The following COMMD7 variants were observed in gnomAD, a reference collection of about 807,000 sequenced individuals.
The protein encoded by COMMD7 is COMM domain containing 7.
Under a neutral mutation model 34.8 loss-of-function variants are expected in COMMD7, and 28 were observed. The observed-to-expected ratio is 0.80, with a 90% CI of 0.60 to 1.10. The LOEUF is 1.10. Among genes scored for constraint, COMMD7 ranks in the 50% least tolerant of loss-of-function variants. The probability of loss-of-function intolerance (pLI) is 0.00; values close to 1 mark genes in which losing one functional copy is unlikely to be tolerated. For missense variants in COMMD7, 211 were observed against 241.6 expected, an observed-to-expected ratio of 0.87 and a Z score of 0.84; for synonymous variants, 80 against 86.4, an observed-to-expected ratio of 0.93 and a Z score of 0.41.
intron 3 of COMMD7, among the ~76,000 whole-genome samples, chr20:32,720,848 G>GC (rs1281682267): frequency 6.6e-6 from 1 of 152,148 alleles, no homozygotes; most frequent in Non-Finnish European, 1.5e-5. Flanking sequence ...GAGGGTCACA[G>GC]CATCTCCTAA....
intron 3 of COMMD7, among the ~76,000 whole-genome samples, chr20:32,718,817 A>G (rs1313089404): frequency 6.6e-6 from 1 of 152,094 alleles, no homozygotes; most frequent in Non-Finnish European, 1.5e-5. Context: ...TCCATCATTA[A>G]CTGTGCTTCA....
In COMMD7 at chr20:32,703,294, G is replaced by T; in HGVS notation, c.*88C>A. ...GCAGGGCCCCATGGAGCATCCCACAGGCCTGTGAGTGAAGTGCCTCTCAGA... is the reference window on the plus strand; with the variant it reads ...GCAGGGCCCCATGGAGCATCCCACATGCCTGTGAGTGAAGTGCCTCTCAGA... On this transcript the variant is annotated 3_prime_UTR_variant, in exon 9 of 9. Coordinates refer to ENST00000278980, the MANE Select transcript of COMMD7 (RefSeq NM_053041.3). 1 of 1,226,230 alleles carries T rather than the reference G, an allele frequency of 8.2e-7. No homozygotes were observed. Among genetic ancestry groups the T allele is most frequent in the Non-Finnish European group, 1.2e-6 (1 of 852,182 alleles). The allele number at this position is 1,226,230 out of a possible 1,614,324, so 76.0% of individuals were successfully genotyped here.
rs1555822509 is a variant in COMMD7 at position 32,707,290 on chromosome 20, A to ATATAT, written c.242-531_242-530insATATA. On this transcript the variant is annotated intron_variant, in intron 3 of 8. Transcript: ENST00000278980. ...CAGAGCGAGACTCCGTCTCAAAAAAAAAAAATATATATATATATACTTATC... is the reference window on the plus strand; with the variant it reads ...CAGAGCGAGACTCCGTCTCAAAAAAATATATAAAAATATATATATATATACTTATC... Among the ~76,000 whole-genome samples, 497 of 119,776 alleles carry ATATAT rather than the reference A, an allele frequency of 4.1e-3. 2 individuals carry two copies. The highest frequency in any genetic ancestry group is 5.5e-3 in the African/African-American group (196 of 35,808). The allele number at this position is 119,776 out of a possible 152,430, so 78.6% of individuals were successfully genotyped here. A position where few individuals can be genotyped will look rare whatever the true frequency, so the allele number is the denominator to read the frequency against.
rs139991800 is a variant in COMMD7, at chr20:32,740,494, A to G, written c.84+2814T>C. On this transcript the variant is annotated intron_variant, in intron 1 of 8. Coordinates refer to ENST00000278980, the MANE Select transcript of COMMD7 (RefSeq NM_053041.3). ...TGCATGGCATTTTGATCAATGATGG[A>G]CCATATATAAAATGATGGTCCCATA... Among the ~76,000 whole-genome samples, 778 of 152,032 alleles carry G rather than the reference A, an allele frequency of 5.1e-3. 5 individuals are homozygous for G. Among genetic ancestry groups the G allele is most frequent in the African/African-American group, 0.015 (641 of 41,452 alleles).
intron 3 of COMMD7, among the ~76,000 whole-genome samples, chr20:32,709,160 G>T (rs1418287742): frequency 1.3e-5 from 2 of 152,042 alleles, no homozygotes; most frequent in Non-Finnish European, 2.9e-5. Flanking sequence ...GAGAGACCAG[G>T]CACGGTGGCT....
chr20:32,741,153 A>C (rs1320865133), intron 1 of COMMD7, among the ~76,000 whole-genome samples: 30 of 119,622 alleles, frequency 2.5e-4, no homozygotes, highest in Non-Finnish European at 4.5e-4. Flanking sequence ...AAACAAACAA[A>C]CAAACAAAAA....
chr20:32,703,190 G>C lies in COMMD7; in HGVS notation c.*192C>G. On this transcript the variant is annotated 3_prime_UTR_variant, in exon 9 of 9. Coordinates refer to ENST00000278980, the MANE Select transcript of COMMD7 (RefSeq NM_053041.3). ...TGGTTGCCCTAACAGAGAGTTTACA[G>C]GGTAATTGTGTTGGGCTCTTTCAGT... is the stretch of plus-strand genomic sequence containing the variant. The C allele has an allele frequency of 2.0e-6, 1 of 492,982 alleles. No homozygotes were observed. Among genetic ancestry groups the C allele is most frequent in the Non-Finnish European group, 3.6e-6 (1 of 278,630 alleles). The allele number at this position is 492,982 out of a possible 1,614,324, so 30.5% of individuals were successfully genotyped here.
intron 3 of COMMD7, among the ~76,000 whole-genome samples, chr20:32,720,598 C>G (rs1985094195): frequency 6.6e-6 from 1 of 152,040 alleles, no homozygotes; most frequent in Non-Finnish European, 1.5e-5. Flanking sequence ...TCGCTTAAGC[C>G]CAAGAATCAA....
chr20:32,705,369 TATATA>T (rs1480371184), intron 5 of COMMD7, among the ~76,000 whole-genome samples: 33 of 91,630 alleles, frequency 3.6e-4, no homozygotes, highest in African/African-American at 1.1e-3. Flanking sequence ...TATATATATA[TATATA>T]TATTTTTTTT....
chr20:32,704,761 G>A, intron 6 of COMMD7, 53 bp downstream of exon 6: 1 of 1,350,272 alleles, frequency 7.4e-7, no homozygotes, highest in South Asian at 1.2e-5. Flanking sequence ...CACAGCCTCT[G>A]CACCCCAACC....
chr20:32,728,233 A>C (rs1985632818), intron 1 of COMMD7, 91 bp from the exon 2 acceptor site: 2 of 1,206,656 alleles, frequency 1.7e-6, no homozygotes, highest in Non-Finnish European at 2.4e-6. Flanking sequence ...TTGAGAGGGA[A>C]GAACAGTAAC....
chr20:32,735,827 C>T (rs940938246), intron 1 of COMMD7, among the ~76,000 whole-genome samples: 1 of 152,110 alleles, frequency 6.6e-6, no homozygotes, highest in Non-Finnish European at 1.5e-5. Context: ...ACTTTGATAT[C>T]TTTGTATACT....
chr20:32,731,594 G>A (rs992193962), intron 1 of COMMD7, among the ~76,000 whole-genome samples: 6 of 152,164 alleles, frequency 3.9e-5, no homozygotes, highest in African/African-American at 1.4e-4. Flanking sequence ...GACCTACCCA[G>A]ATTCTCAACT....
chr20:32,705,016 G>C (rs991746275), intron 5 of COMMD7, 112 bp from the exon 6 acceptor site: 5 of 760,092 alleles, frequency 6.6e-6, no homozygotes, highest in South Asian at 1.6e-5. Flanking sequence ...GGAGGGTGCA[G>C]AAGATAGTGG....
intron 3 of COMMD7, among the ~76,000 whole-genome samples, chr20:32,719,069 A>G (rs1186774677): frequency 6.6e-6 from 1 of 152,200 alleles, no homozygotes; most frequent in Non-Finnish European, 1.5e-5. Context: ...GGAAGAGGAC[A>G]CTGATGAGGG....
chr20:32,733,352 G>C (rs1458479087), intron 1 of COMMD7, among the ~76,000 whole-genome samples: 5 of 152,004 alleles, frequency 3.3e-5, no homozygotes, highest in Non-Finnish European at 2.9e-5. Flanking sequence ...AGGTTGAGGC[G>C]GGGGGATAAC....
chr20:32,709,983 A>T (rs1984339795), intron 3 of COMMD7, among the ~76,000 whole-genome samples: 1 of 150,102 alleles, frequency 6.7e-6, no homozygotes, highest in African/African-American at 2.5e-5. Context: ...GGCTTAATGG[A>T]TCCTCCCACC....
At chr20:32,722,229 G>C (rs927930925) in intron 3 of COMMD7, among the ~76,000 whole-genome samples, 1 of 95,086 alleles carries the variant, frequency 1.1e-5, no homozygotes, top group African/African-American at 4.2e-5. Flanking sequence ...TGGGTGACAA[G>C]AGCAAAACTC....
chr20:32,738,969 C>G (rs6057633), intron 1 of COMMD7, among the ~76,000 whole-genome samples: 103,321 of 151,990 alleles, frequency 0.68, 35,880 homozygotes, highest in Middle Eastern at 0.82. Context: ...GTCTACATGA[C>G]TTTAAACAGG....
Sources: gnomAD v4.1 joint callset for allele counts (sites outside exome capture counted in the v4.1 genomes callset) on GRCh38, gnomAD v4.1.1 for gene constraint, MANE v1.5 for transcripts, NCBI Gene and HGNC (gene_info 2026-07-23, HGNC 2026-07-21) for gene names.